The following RBM27 variants were observed in gnomAD, a reference collection of about 807,000 sequenced individuals.
RBM27 encodes the protein RNA-binding protein 27.
In RBM27, 22 loss-of-function variants were observed where a neutral mutation model predicts 135.3. The ratio of observed to expected loss-of-function variants is 0.16; its 90% CI spans 0.12 to 0.23. RBM27 has a LOEUF of 0.23. Among genes scored for constraint, RBM27 ranks in the 10% least tolerant of loss-of-function variants. The pLI is 1.00. For synonymous variants in RBM27, 481 were observed against 442.4 expected, an observed-to-expected ratio of 1.09 and a Z score of -1.10; for missense variants, 1,009 against 1,281.0, an observed-to-expected ratio of 0.79 and a Z score of 3.24.
chr5:146,238,369 G>T (rs983961537), intron 8 of RBM27, among the ~76,000 whole-genome samples: 3 of 152,130 alleles, frequency 2.0e-5, no homozygotes, highest in Non-Finnish European at 4.4e-5. Context: ...TTAGCTGGGC[G>T]TTGTGGAGCA....
intron 6 of RBM27, among the ~76,000 whole-genome samples, chr5:146,232,601 G>A (rs1419785436): frequency 6.6e-6 from 1 of 151,040 alleles, no homozygotes; most frequent in Non-Finnish European, 1.5e-5. Flanking sequence ...ATGGAGTCTC[G>A]CTCTGTCACC....
intron 19 of RBM27, among the ~76,000 whole-genome samples, chr5:146,273,125 G>A (rs1363283418): frequency 1.3e-5 from 2 of 152,168 alleles, no homozygotes; most frequent in Admixed American, 6.5e-5. Flanking sequence ...ACCAGTTCTG[G>A]TGAGGTGATA....
intron 7 of RBM27, among the ~76,000 whole-genome samples, chr5:146,234,237 T>G (rs1340126025): frequency 5.9e-5 from 9 of 152,282 alleles, no homozygotes; most frequent in African/African-American, 2.2e-4. Context: ...TTCCAGTCTT[T>G]AAGGAAAATC....
intron 18 of RBM27, 24 bp from the exon 19 acceptor site, chr5:146,271,459 A>AT: frequency 6.3e-7 from 1 of 1,576,876 alleles, no homozygotes; most frequent in South Asian, 1.1e-5. Flanking sequence ...TGTATGCTAC[A>AT]TTCTACTTTT....
chr5:146,273,829 T>G (rs932566369), intron 19 of RBM27, among the ~76,000 whole-genome samples: 2 of 152,226 alleles, frequency 1.3e-5, no homozygotes, highest in African/African-American at 2.4e-5. Context: ...AATCTAATTC[T>G]GGAGTCCTTC....
intron 14 of RBM27, among the ~76,000 whole-genome samples, chr5:146,267,101 T>A (rs529714864): frequency 1.3e-5 from 2 of 152,332 alleles, no homozygotes; most frequent in South Asian, 4.1e-4. Flanking sequence ...CAACTTATTA[T>A]TCAGTGAGAG....
chr5:146,278,053 A>G (rs1561569587), intron 19 of RBM27, among the ~76,000 whole-genome samples: 1 of 152,314 alleles, frequency 6.6e-6, no homozygotes, highest in East Asian at 1.9e-4. Context: ...AGCTCGCTAA[A>G]TAACCCTTCA....
At chr5:146,244,433 G>T (rs1337512578) in intron 8 of RBM27, among the ~76,000 whole-genome samples, 2 of 152,164 alleles carry the variant, frequency 1.3e-5, no homozygotes, top group Non-Finnish European at 2.9e-5. Context: ...CATAGACCCT[G>T]TGAAAATAAA....
At chr5:146,267,992 A>T (rs1758691403) in intron 15 of RBM27, among the ~76,000 whole-genome samples, 1 of 152,090 alleles carries the variant, frequency 6.6e-6, no homozygotes, top group South Asian at 2.1e-4. Flanking sequence ...TATTCCCTCC[A>T]ATTCTAGTGT....
intron 8 of RBM27, among the ~76,000 whole-genome samples, 183 bp from the exon 9 acceptor site, chr5:146,251,528 C>A (rs956856758): frequency 9.9e-5 from 15 of 152,148 alleles, no homozygotes; most frequent in African/African-American, 3.1e-4. Context: ...CTCAATGGAT[C>A]CTAACCAGTT....
At chr5:146,254,459 G>A (rs1475540037) in intron 9 of RBM27, among the ~76,000 whole-genome samples, 1 of 149,178 alleles carries the variant, frequency 6.7e-6, no homozygotes, top group Non-Finnish European at 1.5e-5. Context: ...TTCAAAAGGT[G>A]TGTCTAGATA....
intron 9 of RBM27, among the ~76,000 whole-genome samples, chr5:146,253,335 A>C (rs181303589): frequency 6.6e-6 from 1 of 152,262 alleles, no homozygotes; most frequent in Non-Finnish European, 1.5e-5. Flanking sequence ...GGAAACTTTG[A>C]GACTGAATGC....
At position 146,261,529 on chromosome 5, in the gene RBM27, C is replaced by T; in HGVS notation, c.1913C>T (p.Pro638Leu). The T allele has an allele frequency of 6.2e-7, 1 of 1,613,988 alleles. No homozygotes were observed. Residue 638 changes from proline to leucine, a missense_variant, in exon 13 of 21, where the codon CCA becomes CTA. Around this residue, in one of 6 missense-constraint regions of RBM27, gnomAD observed 34 missense variants for 82.8 expected, o/e 0.41. Coordinates refer to ENST00000265271, the MANE Select transcript of RBM27 (RefSeq NM_018989.2). Reference protein sequence around the residue: ...VNIQVAFKGDPEAALIQYLTN... With the variant: ...VNIQVAFKGDLEAALIQYLTN... Reference sequence around the variant, plus strand: ...TTCAAGGTTGCTTTTAAGGGTGACCCAGAAGCAGCCCTAATCCAATATCTT... The same window carrying T: ...TTCAAGGTTGCTTTTAAGGGTGACCTAGAAGCAGCCCTAATCCAATATCTT...
chr5:146,223,339 C>G, intron 2 of RBM27, 64 bp from the exon 3 acceptor site: 20 of 1,469,872 alleles, frequency 1.4e-5, no homozygotes, highest in Non-Finnish European at 1.8e-5. Context: ...GCTTTGCTGA[C>G]AATGTGTTGT....
intron 7 of RBM27, among the ~76,000 whole-genome samples, chr5:146,235,784 T>A (rs754517397): frequency 7.2e-4 from 110 of 152,158 alleles, no homozygotes; most frequent in South Asian, 1.2e-3. Flanking sequence ...CCTCCCAGGC[T>A]TGAAGGGATC....
chr5:146,240,569 C>T (rs1428141436), intron 8 of RBM27, among the ~76,000 whole-genome samples: 1 of 152,094 alleles, frequency 6.6e-6, no homozygotes, highest in Non-Finnish European at 1.5e-5. Flanking sequence ...TCAGGTGATC[C>T]GCCTGCCTTG....
At chr5:146,250,420 A>T (rs1225542164) in intron 8 of RBM27, among the ~76,000 whole-genome samples, 1 of 143,344 alleles carries the variant, frequency 7.0e-6, no homozygotes, top group Non-Finnish European at 1.5e-5. Context: ...TGACAGAGCA[A>T]GACTCCGTCT....
At chr5:146,240,517 G>C (rs1209159298) in intron 8 of RBM27, among the ~76,000 whole-genome samples, 2 of 152,236 alleles carry the variant, frequency 1.3e-5, no homozygotes, top group African/African-American at 4.8e-5. Flanking sequence ...AGTAGAGATG[G>C]GGTTTTGCCA....
intron 3 of RBM27, among the ~76,000 whole-genome samples, chr5:146,223,781 T>C (rs1465018249): frequency 6.6e-6 from 1 of 152,206 alleles, no homozygotes; most frequent in African/African-American, 2.4e-5. Context: ...ATCTAGTGAC[T>C]TTTAGAAAAA....
Sources: allele counts gnomAD v4.1 joint callset (sites outside exome capture counted in the v4.1 genomes callset), GRCh38; gene constraint gnomAD v4.1.1; regional missense constraint gnomAD v4.1.1; transcripts MANE v1.5; gene names NCBI Gene and HGNC (gene_info 2026-07-23, HGNC 2026-07-21).